LAMB4: variants seen among roughly 807,000 people sequenced by gnomAD.
LAMB4 encodes laminin subunit beta 4, also known as laminin subunit beta-4.
LAMB4 carries 196 observed loss-of-function variants against 199.2 expected under a neutral mutation model. That is an observed-to-expected ratio of 0.98 (90% CI 0.88 to 1.11). LAMB4 has a LOEUF of 1.11. Ranked by LOEUF, LAMB4 falls within the 50% of genes least tolerant of loss-of-function variation. The probability of loss-of-function intolerance (pLI) is 0.00; values close to 1 mark genes in which losing one functional copy is unlikely to be tolerated. For synonymous variants in LAMB4, 744 were observed against 770.6 expected (o/e 0.97, Z 0.57); for missense variants, 2,080 against 2,171.2 (o/e 0.96, Z 0.83).
At position 108,118,386 on chromosome 7, in the gene LAMB4, A is replaced by G. The variant is rs549706243; in HGVS notation, c.35-2225T>C. Among the ~76,000 whole-genome samples, 3 of 152,262 alleles carry G rather than the reference A, an allele frequency of 2.0e-5. 1 individual carries two copies. Among genetic ancestry groups the G allele is most frequent in the South Asian group, 4.1e-4 (2 of 4,826 alleles). ...TCTATTCAATATGAAGGCTTACTAT[A>G]TAGCTATAATAAAGAACAGACTGCG... On this transcript the variant is annotated intron_variant, in intron 2 of 33. Transcript: ENST00000388781.
intron 1 of LAMB4, among the ~76,000 whole-genome samples, chr7:108,125,371 G>A (rs1328927780): frequency 6.6e-6 from 1 of 152,164 alleles, no homozygotes; most frequent in East Asian, 1.9e-4. Flanking sequence ...CTGCCCGTGT[G>A]CTTCATTCTG....
At chr7:108,092,515 T>G in intron 12 of LAMB4, 99 bp from the exon 13 acceptor site, 2 of 871,458 alleles carry the variant, frequency 2.3e-6, no homozygotes, top group Non-Finnish European at 3.9e-6. Context: ...ACACGTCAAA[T>G]AGCCAAACAG....
intron 14 of LAMB4, among the ~76,000 whole-genome samples, chr7:108,081,136 A>G (rs777958287): frequency 1.5e-4 from 23 of 151,980 alleles, no homozygotes; most frequent in Non-Finnish European, 7.4e-5. Flanking sequence ...AAAATAAAAT[A>G]CCCTTGCAAT....
chr7:108,020,125 C>T (rs191571016), downstream of LAMB4, among the ~76,000 whole-genome samples: 31 of 152,226 alleles, frequency 2.0e-4, no homozygotes, highest in Non-Finnish European at 4.3e-4. Flanking sequence ...CTTCTTCACG[C>T]TGGTCCCTCA....
At chr7:108,074,196 C>A (rs2036620899) in intron 17 of LAMB4, among the ~76,000 whole-genome samples, 1 of 152,112 alleles carries the variant, frequency 6.6e-6, no homozygotes, top group Non-Finnish European at 1.5e-5. Context: ...GAGTCCCTGT[C>A]TCAGCTTTTG....
chr7:108,055,120 G>A (rs1324662408), intron 25 of LAMB4, among the ~76,000 whole-genome samples: 1 of 151,646 alleles, frequency 6.6e-6, no homozygotes, highest in East Asian at 1.9e-4. Flanking sequence ...ACAATCAATG[G>A]CATCTGGAAA....
chr7:108,085,807 G>T (rs2037151359), intron 14 of LAMB4, among the ~76,000 whole-genome samples: 1 of 152,036 alleles, frequency 6.6e-6, no homozygotes, highest in East Asian at 1.9e-4. Flanking sequence ...TAGAGACGGG[G>T]TTTCACCTTG....
chr7:108,050,609 T>C (rs2035796111), intron 26 of LAMB4, among the ~76,000 whole-genome samples: 1 of 152,348 alleles, frequency 6.6e-6, no homozygotes, highest in East Asian at 1.9e-4. Context: ...CCCACGGTCC[T>C]GATCTGATCT....
chr7:108,072,794 T>C (rs2036577288), intron 17 of LAMB4, among the ~76,000 whole-genome samples: 1 of 152,200 alleles, frequency 6.6e-6, no homozygotes, highest in Non-Finnish European at 1.5e-5. Context: ...TATTTACAGG[T>C]CTACTACTGT....
At chr7:108,020,474 A>C (rs1220797316), downstream of LAMB4, among the ~76,000 whole-genome samples, 2 of 150,650 alleles carry the variant, frequency 1.3e-5, no homozygotes, top group African/African-American at 4.9e-5. Flanking sequence ...CCATCTCAAA[A>C]AAAAAAAAAA....
At chr7:108,018,703 T>TCAAAAA (rs1325612851), downstream of LAMB4, among the ~76,000 whole-genome samples, 4 of 151,928 alleles carry the variant, frequency 2.6e-5, no homozygotes, top group Non-Finnish European at 5.9e-5. Flanking sequence ...AGACTCCGTC[T>TCAAAAA]CAAAAACAAA....
At chr7:108,060,236 C>T (rs1386894482) in intron 23 of LAMB4, among the ~76,000 whole-genome samples, 2 of 152,224 alleles carry the variant, frequency 1.3e-5, no homozygotes, top group South Asian at 4.1e-4. Flanking sequence ...ATCTAACTTT[C>T]AGCTTCAAGG....
chr7:108,114,352 T>C (rs748537899), intron 3 of LAMB4, among the ~76,000 whole-genome samples: 4 of 152,022 alleles, frequency 2.6e-5, no homozygotes, highest in Admixed American at 6.6e-5. Context: ...GGTGGGAAGA[T>C]CACCTGAGCC....
At chr7:108,052,282 T>C (rs2035850944) in intron 25 of LAMB4, 25 bp from the exon 26 acceptor site, 2 of 1,519,112 alleles carry the variant, frequency 1.3e-6, no homozygotes, top group Admixed American at 4.0e-5. Flanking sequence ...AGGGTAAATG[T>C]AGTTAAGCTT....
intron 33 of LAMB4, among the ~76,000 whole-genome samples, chr7:108,027,407 C>T (rs576891107): frequency 3.3e-5 from 5 of 152,176 alleles, no homozygotes; most frequent in Non-Finnish European, 7.3e-5. Flanking sequence ...CTCCCACTGC[C>T]TCCCTAGAGA....
intron 14 of LAMB4, among the ~76,000 whole-genome samples, chr7:108,083,901 C>T (rs2037057410): frequency 6.6e-6 from 1 of 152,196 alleles, no homozygotes; most frequent in South Asian, 2.1e-4. Context: ...AATCTTACAG[C>T]TATGGCTGCT....
At chr7:108,025,981 G>A (rs2034823324) in intron 33 of LAMB4, among the ~76,000 whole-genome samples, 1 of 152,182 alleles carries the variant, frequency 6.6e-6, no homozygotes, top group Non-Finnish European at 1.5e-5. Context: ...AGTGGTCAGA[G>A]GATAGGAGGA....
chr7:108,125,882 G>T (rs964419085), intron 1 of LAMB4, among the ~76,000 whole-genome samples: 3 of 152,218 alleles, frequency 2.0e-5, no homozygotes, highest in African/African-American at 7.2e-5. Context: ...AATTTCTTCA[G>T]TCCATATGGG....
chr7:108,054,908 CA>C (rs1203750123), intron 25 of LAMB4, among the ~76,000 whole-genome samples: 3 of 152,146 alleles, frequency 2.0e-5, no homozygotes, highest in Non-Finnish European at 4.4e-5. Flanking sequence ...CTTGCATTTT[CA>C]AGAAATGACC....
Sources: gnomAD v4.1 joint callset for allele counts (sites outside exome capture counted in the v4.1 genomes callset) on GRCh38, gnomAD v4.1.1 for gene constraint, MANE v1.5 for transcripts, NCBI Gene and HGNC (gene_info 2026-07-23, HGNC 2026-07-21) for gene names.